Variants in YIPF1 observed in about 807,000 individuals in gnomAD.
YIPF1 encodes protein YIPF1.
YIPF1 carries 22 observed loss-of-function variants against 37.0 expected under a neutral mutation model. The observed-to-expected ratio is 0.59, with a 90% confidence interval of 0.42 to 0.85. The LOEUF is 0.85. Among genes scored for constraint, YIPF1 ranks in the 40% least tolerant of loss-of-function variants. YIPF1 has a pLI of 0.00. For synonymous variants in YIPF1, 128 were observed against 131.9 expected, an observed-to-expected ratio of 0.97 and a Z score of 0.21; for missense variants, 355 against 373.1, an observed-to-expected ratio of 0.95 and a Z score of 0.40.
At chr1:53,879,448 C>A (rs969472011) in intron 4 of YIPF1, among the ~76,000 whole-genome samples, 5 of 152,130 alleles carry the variant, frequency 3.3e-5, no homozygotes, top group Admixed American at 3.3e-4. Flanking sequence ...CTATTGCCAC[C>A]TGAATTCTCA....
intron 3 of YIPF1, among the ~76,000 whole-genome samples, chr1:53,888,274 G>T (rs575660806): frequency 6.6e-6 from 1 of 152,280 alleles, no homozygotes; most frequent in African/African-American, 2.4e-5. Flanking sequence ...CCTAGCCTAA[G>T]TCAGGCTCTG....
At chr1:53,866,719 A>G (rs1235635651) in intron 8 of YIPF1, 39 bp downstream of exon 8, 2 of 1,582,054 alleles carry the variant, frequency 1.3e-6, no homozygotes, top group Non-Finnish European at 8.6e-7. Context: ...CCAAGAACAG[A>G]GCATCACTCA....
intron 6 of YIPF1, among the ~76,000 whole-genome samples, chr1:53,874,091 A>G (rs1388077428): frequency 2.6e-5 from 4 of 151,980 alleles, no homozygotes; most frequent in Non-Finnish European, 2.9e-5. Context: ...TCCCTCTCCT[A>G]TTATCATCCC....
rs780560822 is a variant in YIPF1 at position 53,871,403 on chromosome 1, C to T, written c.450G>A (p.Lys150=). Residue 150 remains lysine, a synonymous_variant, in exon 7 of 11, where the codon AAG becomes AAA. Transcript: ENST00000072644. ...GGAATTCGGGCACATAATGGTACGT[C>T]TTCTCTCCCAGATGGATCAAGAAGT... ...LSNFLIHLGE[K]TYHYVPEFRK... 40 of 1,613,994 alleles carry T rather than the reference C, an allele frequency of 2.5e-5. No homozygotes were observed. Among genetic ancestry groups the T allele is most frequent in the Non-Finnish European group, 3.3e-5 (39 of 1,179,906 alleles).
At chr1:53,858,693 G>A (rs1649786734) in intron 10 of YIPF1, among the ~76,000 whole-genome samples, 1 of 152,066 alleles carries the variant, frequency 6.6e-6, no homozygotes, top group Non-Finnish European at 1.5e-5. Flanking sequence ...AGAATGCAGT[G>A]GCACAATCAC....
chr1:53,879,475 A>T (rs1034188991), intron 4 of YIPF1, among the ~76,000 whole-genome samples: 2 of 151,504 alleles, frequency 1.3e-5, no homozygotes, highest in East Asian at 3.9e-4. Flanking sequence ...TGATATATTG[A>T]CTCACTCTAA....
chr1:53,861,609 AGAGT>A (rs879844651), intron 9 of YIPF1, among the ~76,000 whole-genome samples: 10 of 142,434 alleles, frequency 7.0e-5, no homozygotes, highest in Middle Eastern at 3.5e-3. Flanking sequence ...AGAAGGAAAG[AGAGT>A]GAGAAGGAGA....
rs1557605849 is a variant in YIPF1, at chr1:53,870,160, C to CTCTTTTTTTTTTTTTTT, written c.481+1211_481+1212insAAAAAAAAAAAAAAAGA. ...AGGCTTGAGCCACCGCACCGGGTCT[C>CTCTTTTTTTTTTTTTTT]TTTTTTTTTTTTTTTTTTTTTTTTT... On this transcript the variant is annotated intron_variant, in intron 7 of 10. Coordinates refer to ENST00000072644, the MANE Select transcript of YIPF1 (RefSeq NM_018982.5). 1.1e-4 allele frequency among the ~76,000 whole-genome samples: 10 copies of CTCTTTTTTTTTTTTTTT among 91,196 alleles called. 1 individual carries two copies. The highest frequency in any genetic ancestry group is 4.4e-4 in the African/African-American group (10 of 22,580). 59.8% of individuals were successfully genotyped at this position (91,196 alleles called of 152,430 possible).
At chr1:53,866,175 AAAG>A in intron 9 of YIPF1, 22 bp downstream of exon 9, 1 of 1,605,406 alleles carries the variant, frequency 6.2e-7, no homozygotes, top group Non-Finnish European at 8.5e-7. Context: ...AAACACACCA[AAAG>A]AATATACGAC....
intron 6 of YIPF1, among the ~76,000 whole-genome samples, chr1:53,876,535 C>G (rs1650339936): frequency 6.6e-6 from 1 of 152,206 alleles, no homozygotes; most frequent in African/African-American, 2.4e-5. Flanking sequence ...AATGAGGCTA[C>G]TAGTGTCACA....
At chr1:53,860,620 G>T (rs925500426) in intron 9 of YIPF1, among the ~76,000 whole-genome samples, 1 of 152,174 alleles carries the variant, frequency 6.6e-6, no homozygotes, top group Non-Finnish European at 1.5e-5. Context: ...CCCCTGCACA[G>T]GGCCTGGCAC....
chr1:53,875,219 A>C (rs1454924194), intron 6 of YIPF1, among the ~76,000 whole-genome samples: 2 of 152,154 alleles, frequency 1.3e-5, no homozygotes, highest in Admixed American at 6.6e-5. Context: ...TCTGACTTAG[A>C]GTATGTCACT....
chr1:53,869,993 C>T (rs1387459723), intron 7 of YIPF1, among the ~76,000 whole-genome samples: 1 of 150,912 alleles, frequency 6.6e-6, no homozygotes, highest in Admixed American at 6.6e-5. Flanking sequence ...CTGCCTCAGC[C>T]TCCTGATTAC....
chr1:53,881,639 C>T (rs1041454750), intron 4 of YIPF1, among the ~76,000 whole-genome samples: 2 of 152,054 alleles, frequency 1.3e-5, no homozygotes, highest in African/African-American at 4.8e-5. Context: ...TTGAGAAATG[C>T]AAATCAAAAC....
intron 2 of YIPF1, 109 bp downstream of exon 2, chr1:53,889,135 G>A: frequency 2.2e-6 from 1 of 463,710 alleles, no homozygotes; most frequent in Non-Finnish European, 3.9e-6. Context: ...CTAAGCATCA[G>A]GTATTATTAA....
At chr1:53,872,783 T>A (rs922764570) in intron 6 of YIPF1, among the ~76,000 whole-genome samples, 11 of 152,046 alleles carry the variant, frequency 7.2e-5, no homozygotes, top group Non-Finnish European at 4.4e-5. Flanking sequence ...ACACAAGCAA[T>A]CAAATGGGTA....
At chr1:53,880,650 G>C (rs901491394) in intron 4 of YIPF1, among the ~76,000 whole-genome samples, 2 of 152,326 alleles carry the variant, frequency 1.3e-5, no homozygotes, top group East Asian at 3.9e-4. Flanking sequence ...CATGCTACCT[G>C]ACTTCAAACT....
chr1:53,876,288 TC>T (rs779469233), intron 6 of YIPF1, among the ~76,000 whole-genome samples: 5 of 152,238 alleles, frequency 3.3e-5, no homozygotes, highest in Non-Finnish European at 5.9e-5. Context: ...TGGAAGTATG[TC>T]CCCTGGTCTG....
chr1:53,869,871 G>GC (rs200523861), intron 7 of YIPF1, among the ~76,000 whole-genome samples: 4 of 133,772 alleles, frequency 3.0e-5, no homozygotes, highest in African/African-American at 1.1e-4. Flanking sequence ...CTTTCTCCCC[G>GC]CTTTTTTTTT....
Sources: allele counts gnomAD v4.1 joint callset (sites outside exome capture counted in the v4.1 genomes callset), GRCh38; gene constraint gnomAD v4.1.1; transcripts MANE v1.5; gene names NCBI Gene and HGNC (gene_info 2026-07-23, HGNC 2026-07-21).